Variants in CKAP5 observed in about 807,000 individuals in gnomAD.
The protein encoded by CKAP5 is cytoskeleton associated protein 5, also known as cytoskeleton-associated protein 5.
Under a neutral mutation model 232.8 loss-of-function variants are expected in CKAP5, and 27 were observed. The ratio of observed to expected loss-of-function variants is 0.12; its 90% confidence interval spans 0.09 to 0.16. CKAP5 has a LOEUF of 0.16. Ranked by LOEUF, CKAP5 falls within the 10% of genes least tolerant of loss-of-function variation. CKAP5 has a pLI of 1.00. For missense variants in CKAP5, 1,838 were observed against 2,424.7 expected (o/e 0.76, Z 5.08); for synonymous variants, 785 against 841.1 (o/e 0.93, Z 1.16).
chr11:46,818,553 C>A, intron 2 of CKAP5, 50 bp from the exon 3 acceptor site: 2 of 1,293,402 alleles, frequency 1.5e-6, no homozygotes, highest in Non-Finnish European at 2.1e-6. Flanking sequence ...ATGATATTAT[C>A]ATCTACTATT....
intron 16 of CKAP5, among the ~76,000 whole-genome samples, chr11:46,788,048 T>C (rs1322519343): frequency 1.3e-5 from 2 of 152,264 alleles, no homozygotes; most frequent in East Asian, 3.8e-4. Flanking sequence ...TAGCTTACTT[T>C]ATTGTAAGAA....
intron 1 of CKAP5, among the ~76,000 whole-genome samples, chr11:46,839,241 C>A (rs1040965167): frequency 1.2e-4 from 19 of 152,128 alleles, no homozygotes; most frequent in African/African-American, 4.3e-4. Context: ...CTGAGAGTGC[C>A]AGTAATACAG....
chr11:46,797,036 C>T (rs1011076819), intron 11 of CKAP5, 96 bp from the exon 12 acceptor site: 3 of 1,392,486 alleles, frequency 2.2e-6, no homozygotes, highest in African/African-American at 1.4e-5. Flanking sequence ...AAAGAATTTG[C>T]TTTTTACAAT....
At chr11:46,813,991 G>T (rs1245101262) in intron 4 of CKAP5, among the ~76,000 whole-genome samples, 1 of 151,822 alleles carries the variant, frequency 6.6e-6, no homozygotes, top group African/African-American at 2.4e-5. Context: ...AATTAGCTGG[G>T]TGTGGTGGTG....
At chr11:46,820,756 T>C (rs1040170394) in intron 2 of CKAP5, 2 of 152,982 alleles carry the variant, frequency 1.3e-5, no homozygotes, top group African/African-American at 4.8e-5. Context: ...TGAGGGTAAA[T>C]ATTGGAATGC....
At position 46,760,537 on chromosome 11, in the gene CKAP5, G is replaced by A. The variant is rs558558756; in HGVS notation, c.4394+75C>T. On this transcript the variant is annotated intron_variant, in intron 33 of 43. Transcript: ENST00000529230. ...AATGGCTACAAGAACTCAAGATTAT[G>A]TTACAGGACAGGCTGTGAGCACACA... is the stretch of plus-strand genomic sequence containing the variant. The A allele has an allele frequency of 1.1e-4, 156 of 1,420,618 alleles. 1 individual carries two copies. The highest frequency in any genetic ancestry group is 1.1e-3 in the South Asian group (87 of 81,246). The allele number at this position is 1,420,618 out of a possible 1,614,324, so 88.0% of individuals were successfully genotyped here.
intron 42 of CKAP5, among the ~76,000 whole-genome samples, chr11:46,748,973 A>G (rs539193719): frequency 1.3e-5 from 2 of 151,428 alleles, no homozygotes; most frequent in South Asian, 4.2e-4. Flanking sequence ...CTGGGACTAC[A>G]GGCGCACGCC....
intron 1 of CKAP5, among the ~76,000 whole-genome samples, chr11:46,842,396 G>A (rs961828287): frequency 6.6e-6 from 1 of 152,168 alleles, no homozygotes; most frequent in African/African-American, 2.4e-5. Context: ...TCATATGCAA[G>A]CCATGTGAAA....
intron 28 of CKAP5, 30 bp downstream of exon 28, chr11:46,765,101 A>G (rs1353334290): frequency 6.3e-7 from 1 of 1,593,228 alleles, no homozygotes; most frequent in Non-Finnish European, 8.5e-7. Context: ...ACAAGCAAAA[A>G]TCTCCTGACG....
At chr11:46,777,642 CAGG>C in intron 22 of CKAP5, 90 bp from the exon 23 acceptor site, 1 of 804,678 alleles carries the variant, frequency 1.2e-6, no homozygotes, top group Non-Finnish European at 2.1e-6. Context: ...GTCAATACAG[CAGG>C]AGATTTTTGG....
chr11:46,785,537 C>T (rs2065382906), intron 16 of CKAP5, among the ~76,000 whole-genome samples: 1 of 152,140 alleles, frequency 6.6e-6, no homozygotes, highest in African/African-American at 2.4e-5. Context: ...ACCATGTTGG[C>T]CGGGCTGGTC....
chr11:46,767,774 AT>A, intron 26 of CKAP5, 111 bp from the exon 27 acceptor site: 2 of 620,160 alleles, frequency 3.2e-6, no homozygotes, highest in Non-Finnish European at 5.3e-6. Flanking sequence ...AAATGTATCA[AT>A]TTATAAGATG....
chr11:46,809,417 C>A lies in CKAP5; in HGVS notation c.847G>T (p.Asp283Tyr). ...AVEILSKLPK[D>Y]FYDKIEAKKW... ...TTACTTACAATTTTGTCATAAAAGT[C>A]TTTGGGAAGTTTGGAAAGGATTTCT... Residue 283 changes from aspartate (D) to tyrosine (Y), a missense_variant, in exon 7 of 44, where the codon GAC becomes TAC. This residue lies in a region of CKAP5 where 97 missense variants were observed against 167.7 expected (regional missense o/e 0.58). Coordinates refer to ENST00000529230, the MANE Select transcript of CKAP5 (RefSeq NM_001008938.4). 6.2e-7 allele frequency: 1 copy of A among 1,605,452 alleles called. No homozygotes were observed. The highest frequency in any genetic ancestry group is 1.1e-5 in the South Asian group (1 of 89,810).
intron 9 of CKAP5, among the ~76,000 whole-genome samples, chr11:46,800,141 C>T (rs1170884427): frequency 1.3e-5 from 2 of 151,886 alleles, no homozygotes; most frequent in South Asian, 2.1e-4. Flanking sequence ...ATGGCATATA[C>T]ACATCGATAT....
At chr11:46,752,236 G>A in intron 38 of CKAP5, among the ~76,000 whole-genome samples, 1 of 107,100 alleles carries the variant, frequency 9.3e-6, no homozygotes, top group African/African-American at 3.1e-5. Flanking sequence ...ACACACACGT[G>A]TATTATATAC....
chr11:46,762,427 C>G lies in CKAP5; in HGVS notation c.4027+200G>C, dbSNP rs753870759. On this transcript the variant is annotated intron_variant, in intron 31 of 43. Transcript: ENST00000529230. ...GCCCCTGTGCACTTGATTTTGTCAC[C>G]AGGGTGATACTGAGTGGTGCCTGTA... 6.9e-6 allele frequency: 6 copies of G among 866,794 alleles called. No homozygotes were observed. In the African/African-American group the frequency reaches 9.9e-5, roughly 14 times the overall value. 53.7% of individuals were successfully genotyped at this position (866,794 alleles called of 1,614,324 possible).
chr11:46,812,148 A>G (rs1310308719), intron 4 of CKAP5, among the ~76,000 whole-genome samples: 2 of 152,154 alleles, frequency 1.3e-5, no homozygotes, highest in Non-Finnish European at 2.9e-5. Flanking sequence ...CCTGGCCAAC[A>G]TGGTGAAACC....
At chr11:46,771,490 C>G (rs2065247532) in intron 24 of CKAP5, among the ~76,000 whole-genome samples, 1 of 152,150 alleles carries the variant, frequency 6.6e-6, no homozygotes, top group Non-Finnish European at 1.5e-5. Context: ...GCTCGCAGGC[C>G]AGTGGGATTG....
intron 1 of CKAP5, among the ~76,000 whole-genome samples, chr11:46,821,663 T>G (rs867195512): frequency 1.3e-5 from 2 of 152,044 alleles, no homozygotes; most frequent in South Asian, 2.1e-4. Context: ...GACCTCGTGA[T>G]CCACCCGCCT....
Sources: gnomAD v4.1 joint callset for allele counts (sites outside exome capture counted in the v4.1 genomes callset) on GRCh38, gnomAD v4.1.1 for gene constraint, gnomAD v4.1.1 regional missense constraint, MANE v1.5 for transcripts, NCBI Gene and HGNC (gene_info 2026-07-23, HGNC 2026-07-21) for gene names.